The following DRGX variants were observed in gnomAD, a reference collection of about 807,000 sequenced individuals.
DRGX encodes dorsal root ganglia homeobox, also known as dorsal root ganglia homeobox protein.
In DRGX, 21 loss-of-function variants were observed where a neutral mutation model predicts 28.6. The ratio of observed to expected loss-of-function variants is 0.73; its 90% CI spans 0.52 to 1.06. The LOEUF is 1.06. DRGX is among the 50% of genes least tolerant of loss of function. The pLI is 0.00. For missense variants in DRGX, 354 were observed against 343.9 expected, an observed-to-expected ratio of 1.03 and a Z score of -0.23; for synonymous variants, 136 against 139.1, an observed-to-expected ratio of 0.98 and a Z score of 0.16.
At chr10:49,395,670 T>C (rs891399048) in intron 1 of DRGX, 149 bp from the exon 2 acceptor site, 6 of 615,450 alleles carry the variant, frequency 9.7e-6, no homozygotes, top group Admixed American at 2.7e-5. Context: ...GGCAGCCCCG[T>C]CGCAAGCAGC....
At position 49,389,350 on chromosome 10, in the gene DRGX, T is replaced by C. The variant is rs139133704; in HGVS notation, c.234+783A>G. Among the ~76,000 whole-genome samples, 899 of 152,308 alleles carry C rather than the reference T, an allele frequency of 5.9e-3. 8 individuals are homozygous for C. The highest frequency in any genetic ancestry group is 0.02 in the African/African-American group (850 of 41,560). ...TATTTCCTACAATTAGATCTTTGCA[T>C]AGTCTTAACCCCAAGCCCCTACATA... is the stretch of plus-strand genomic sequence containing the variant. On this transcript the variant is annotated intron_variant, in intron 4 of 6. Transcript: ENST00000374139.
chr10:49,389,300 CA>C (rs1189002985), intron 4 of DRGX, among the ~76,000 whole-genome samples: 3 of 152,160 alleles, frequency 2.0e-5, no homozygotes, highest in Non-Finnish European at 2.9e-5. Flanking sequence ...TAACATGACC[CA>C]GGGGAACCGA....
chr10:49,368,646 T>A (rs1373440791), intron 6 of DRGX, among the ~76,000 whole-genome samples: 2 of 152,252 alleles, frequency 1.3e-5, no homozygotes, highest in African/African-American at 4.8e-5. Flanking sequence ...CCTCCAAGTC[T>A]TCCTGCCCAA....
In DRGX at chr10:49,365,953, C is replaced by G. The variant is rs1163823341; in HGVS notation, c.*163G>C. 1.3e-6 allele frequency: 1 copy of G among 796,900 alleles called. No homozygotes were observed. Among genetic ancestry groups the G allele is most frequent in the Admixed American group, 3.5e-5 (1 of 28,210 alleles). 49.4% of individuals were successfully genotyped at this position (796,900 alleles called of 1,614,324 possible). On this transcript the variant is annotated 3_prime_UTR_variant, in exon 7 of 7. Transcript: ENST00000374139. ...ACTGGTGGGACTCCAGAGGGACGCT[C>G]CAGGTGCCAAGGGAGCTGTGGGTCT...
At chr10:49,378,512 TAC>T (rs1428146694) in intron 6 of DRGX, among the ~76,000 whole-genome samples, 2 of 152,240 alleles carry the variant, frequency 1.3e-5, no homozygotes, top group Non-Finnish European at 2.9e-5. Flanking sequence ...AAATGGTGAA[TAC>T]ACTAAAATTA....
At chr10:49,380,050 C>A (rs1260321244) in intron 6 of DRGX, among the ~76,000 whole-genome samples, 1 of 152,244 alleles carries the variant, frequency 6.6e-6, no homozygotes, top group African/African-American at 2.4e-5. Flanking sequence ...TAGGGAACCA[C>A]GCTGGGGTTG....
chr10:49,367,752 T>A (rs877517), intron 6 of DRGX, among the ~76,000 whole-genome samples: 1 of 152,256 alleles, frequency 6.6e-6, no homozygotes, highest in Non-Finnish European at 1.5e-5. Context: ...AGCACACTTG[T>A]GTCCCAGCTC....
chr10:49,368,308 C>T (rs990918955), intron 6 of DRGX, among the ~76,000 whole-genome samples: 1 of 152,238 alleles, frequency 6.6e-6, no homozygotes, highest in African/African-American at 2.4e-5. Flanking sequence ...TCACCTCCTA[C>T]CTCAAGTTTG....
At position 49,390,173 on chromosome 10, in the gene DRGX, T is replaced by C. The variant is rs1310794014; in HGVS notation, c.194A>G (p.Glu65Gly). ...THYPDVFTRE[E>G]LAMKINLTEA... is the part of the protein sequence containing the mutation. ...TGTGAGGTTTATTTTCATGGCGAGC[T>C]CTTCTCTGGTGAAGACATCTGGATA... Residue 65 changes from glutamate to glycine, a missense_variant, in exon 4 of 7, where the codon GAG becomes GGG. Coordinates refer to ENST00000374139, the MANE Select transcript of DRGX (RefSeq NM_001276451.2). 3 of 1,613,186 alleles carry C rather than the reference T, an allele frequency of 1.9e-6. No homozygotes were observed. The highest frequency in any genetic ancestry group is 2.2e-5 in the East Asian group (1 of 44,870).
intron 2 of DRGX, among the ~76,000 whole-genome samples, chr10:49,391,585 G>A (rs1849905930): frequency 6.6e-6 from 1 of 152,144 alleles, no homozygotes; most frequent in African/African-American, 2.4e-5. Flanking sequence ...GTGCTCTCCA[G>A]CTCCCAGCTC....
intron 2 of DRGX, among the ~76,000 whole-genome samples, chr10:49,393,226 G>T (rs1247894672): frequency 6.6e-6 from 1 of 152,210 alleles, no homozygotes; most frequent in Non-Finnish European, 1.5e-5. Context: ...AGATCTATAT[G>T]CATTGGCATG....
chr10:49,379,730 A>G lies in DRGX; in HGVS notation c.526+6748T>C, dbSNP rs554560328. 4.1e-4 allele frequency among the ~76,000 whole-genome samples: 63 copies of G among 152,310 alleles called. No homozygotes were observed. In the South Asian group the frequency reaches 8.5e-3, roughly 21 times the overall value. On this transcript the variant is annotated intron_variant, in intron 6 of 6. Coordinates refer to ENST00000374139, the MANE Select transcript of DRGX (RefSeq NM_001276451.2). ...CCTTCCCCTGAACATCCTTCCCCTC[A>G]TCTTCAGACACTCGGTGCAGGACCA...
At chr10:49,386,988 A>C (rs777756383) in intron 4 of DRGX, 130 bp from the exon 5 acceptor site, 1 of 1,090,168 alleles carries the variant, frequency 9.2e-7, no homozygotes, top group Non-Finnish European at 1.3e-6. Context: ...TCTGAACTGC[A>C]GCGTCAGGCC....
chr10:49,367,086 T>G (rs1295370377), intron 6 of DRGX, among the ~76,000 whole-genome samples: 1 of 152,222 alleles, frequency 6.6e-6, no homozygotes, highest in Admixed American at 6.5e-5. Context: ...TCAGGTACAG[T>G]GGCTCACACC....
At chr10:49,386,430 C>T (rs1235443289) in intron 6 of DRGX, 48 bp downstream of exon 6, 3 of 1,463,006 alleles carry the variant, frequency 2.1e-6, no homozygotes, top group Non-Finnish European at 2.7e-6. Context: ...ACAAACTCCA[C>T]CAACCCCATG....
intron 4 of DRGX, among the ~76,000 whole-genome samples, chr10:49,389,330 C>T (rs1849873936): frequency 6.6e-6 from 1 of 152,090 alleles, no homozygotes; most frequent in Admixed American, 6.6e-5. Context: ...TATTATATTT[C>T]CTACAATTAG....
intron 2 of DRGX, among the ~76,000 whole-genome samples, chr10:49,394,001 G>A (rs567270303): frequency 2.2e-4 from 33 of 152,320 alleles, no homozygotes; most frequent in African/African-American, 7.7e-4. Context: ...GACACTGGCT[G>A]GCAATTAGTC....
At chr10:49,370,969 T>C (rs1198482177) in intron 6 of DRGX, among the ~76,000 whole-genome samples, 1 of 152,170 alleles carries the variant, frequency 6.6e-6, no homozygotes, top group East Asian at 1.9e-4. Flanking sequence ...ACACCCTGCC[T>C]TATGTCTCCC....
chr10:49,384,325 C>A (rs1301787539), intron 6 of DRGX, among the ~76,000 whole-genome samples: 1 of 152,190 alleles, frequency 6.6e-6, no homozygotes, highest in Non-Finnish European at 1.5e-5. Context: ...ACCTCAAGGG[C>A]CCGCCATGCC....
Sources: gnomAD v4.1 joint callset for allele counts (sites outside exome capture counted in the v4.1 genomes callset) on GRCh38, gnomAD v4.1.1 for gene constraint, MANE v1.5 for transcripts, NCBI Gene and HGNC (gene_info 2026-07-23, HGNC 2026-07-21) for gene names.